TEX11: variants seen among roughly 807,000 people sequenced by gnomAD.
The protein encoded by TEX11 is testis-expressed protein 11.
A neutral mutation model predicts 84.4 loss-of-function variants in TEX11; 7 were observed. The observed-to-expected ratio is 0.08, with a 90% CI of 0.05 to 0.16. The LOEUF (loss-of-function observed/expected upper bound fraction) is 0.16. Among genes scored for constraint, TEX11 ranks in the 10% least tolerant of loss-of-function variants. The pLI is 1.00. For missense variants in TEX11, 551 were observed against 660.5 expected (o/e 0.83, Z 1.82); for synonymous variants, 264 against 222.8 (o/e 1.18, Z -1.64).
chrX:70,523,018 C>T, the TEX11 span, among the ~76,000 whole-genome samples: 6 of 110,333 alleles, frequency 5.4e-5, no homozygotes, highest in Admixed American at 9.7e-5. Context: ...TAGTTTGCAT[C>T]AAAAAACAAA....
chrX:70,628,636 C>T (rs1204936951), intron 18 of TEX11, among the ~76,000 whole-genome samples: 1 of 112,181 alleles, frequency 8.9e-6, no homozygotes, highest in Non-Finnish European at 1.9e-5. Context: ...GAACATATTT[C>T]TAGCATCTAG....
downstream of TEX11, among the ~76,000 whole-genome samples, chrX:70,525,798 A>T (rs1460615981): frequency 1.8e-5 from 2 of 112,303 alleles, no homozygotes; most frequent in Non-Finnish European, 3.8e-5. Flanking sequence ...CTAGTTAGGG[A>T]AAGTTTTTCC....
At chrX:70,897,667 A>AAGGAAGGAAGGAAGGAAGGAAGGAAG (rs2091778231) in intron 2 of TEX11, 1 of 62,297 alleles carries the variant, frequency 1.6e-5, no homozygotes. Context: ...AAGGAAGGAA[A>AAGGAAGGAAGGAAGGAAGGAAGGAAG]ACAAAGAAAG....
intron 28 of TEX11, among the ~76,000 whole-genome samples, chrX:70,542,997 C>T (rs778939908): frequency 2.0e-4 from 22 of 110,743 alleles, no homozygotes; most frequent in Non-Finnish European, 3.4e-4. Context: ...CTGGCTAATA[C>T]GGTGAAACCC....
intron 13 of TEX11, among the ~76,000 whole-genome samples, chrX:70,690,066 TG>T (rs2090221487): frequency 9.0e-6 from 1 of 111,584 alleles, no homozygotes; most frequent in African/African-American, 3.3e-5. Context: ...AAATACTTGA[TG>T]GGTAGTCTCA....
intron 9 of TEX11, among the ~76,000 whole-genome samples, chrX:70,755,499 A>T (rs1167988299): frequency 8.9e-6 from 1 of 111,961 alleles, no homozygotes; most frequent in Non-Finnish European, 1.9e-5. Context: ...AAAAGAATAA[A>T]AAACAATGAA....
At chrX:70,894,482 T>C (rs5981026) in intron 2 of TEX11, among the ~76,000 whole-genome samples, 42,590 of 109,089 alleles carry the variant, frequency 0.39, 6,952 homozygotes, top group East Asian at 0.58. Context: ...AAAAATCAGC[T>C]AGGCGTGGTG....
At chrX:70,603,888 C>G (rs1268262488) in intron 24 of TEX11, among the ~76,000 whole-genome samples, 1 of 19,115 alleles carries the variant, frequency 5.2e-5, no homozygotes, top group African/African-American at 1.6e-4. Context: ...AAAAAGTGGG[C>G]GAAGGACATG....
At chrX:70,897,677 GAAAAA>G (rs1387003236) in intron 2 of TEX11, 15 of 51,782 alleles carry the variant, frequency 2.9e-4, no homozygotes, top group Non-Finnish European at 3.9e-4. Context: ...AACAAAGAAA[GAAAAA>G]GAAAGAAAGA....
intron 24 of TEX11, among the ~76,000 whole-genome samples, chrX:70,593,085 A>ACG (rs1569345425): frequency 9.7e-6 from 1 of 102,837 alleles, no homozygotes; most frequent in African/African-American, 4.1e-5. Context: ...ACACACACAC[A>ACG]CACACACACA....
intron 25 of TEX11, among the ~76,000 whole-genome samples, chrX:70,559,541 T>C (rs2088335580): frequency 8.9e-6 from 1 of 112,257 alleles, no homozygotes; most frequent in African/African-American, 3.2e-5. Context: ...TACACTTTGA[T>C]GGGTGAACTG....
At chrX:70,805,402 T>C (rs1457335115) in intron 9 of TEX11, among the ~76,000 whole-genome samples, 1 of 109,495 alleles carries the variant, frequency 9.1e-6, no homozygotes, top group African/African-American at 3.4e-5. Flanking sequence ...ATCCATTTTT[T>C]TTTCTTTTTT....
chrX:70,513,130 G>C, the TEX11 span, among the ~76,000 whole-genome samples: 1 of 108,239 alleles, frequency 9.2e-6, no homozygotes, highest in African/African-American at 3.4e-5. Context: ...AAGATGGGTG[G>C]ATCACCTGAG....
At chrX:70,747,331 G>A (rs1035678516) in intron 9 of TEX11, among the ~76,000 whole-genome samples, 1 of 111,697 alleles carries the variant, frequency 9.0e-6, no homozygotes, top group Non-Finnish European at 1.9e-5. Flanking sequence ...AAAAACAAGG[G>A]GAAAAATTCT....
intron 9 of TEX11, among the ~76,000 whole-genome samples, chrX:70,775,446 G>A (rs1308034366): frequency 9.1e-6 from 1 of 109,766 alleles, no homozygotes; most frequent in Admixed American, 9.7e-5. Flanking sequence ...ATTCTACAAG[G>A]GACTAATATC....
chrX:70,693,954 A>C (rs2090257842), intron 13 of TEX11, among the ~76,000 whole-genome samples: 1 of 112,223 alleles, frequency 8.9e-6, no homozygotes, highest in Non-Finnish European at 1.9e-5. Flanking sequence ...ATTGAAAGGA[A>C]GTTTTCCTGT....
At chrX:70,641,189 A>C (rs1156877176) in intron 17 of TEX11, among the ~76,000 whole-genome samples, 2 of 111,793 alleles carry the variant, frequency 1.8e-5, no homozygotes, top group African/African-American at 6.5e-5. Flanking sequence ...ACATAATGGT[A>C]AAGGGATCAA....
At chrX:70,870,358 G>A (rs2147866028) in intron 4 of TEX11, among the ~76,000 whole-genome samples, 1 of 110,521 alleles carries the variant, frequency 9.0e-6, no homozygotes, top group African/African-American at 3.3e-5. Context: ...TTTTATGAGA[G>A]GGAGTCTTGC....
the TEX11 span, among the ~76,000 whole-genome samples, chrX:70,520,690 A>T: frequency 8.9e-6 from 1 of 112,295 alleles, no homozygotes; most frequent in East Asian, 2.8e-4. Flanking sequence ...AGAGAGTTTA[A>T]GTCTGCAGAA....
Sources: allele counts gnomAD v4.1 joint callset (sites outside exome capture counted in the v4.1 genomes callset), GRCh38; gene constraint gnomAD v4.1.1; transcripts MANE v1.5; gene names NCBI Gene and HGNC (gene_info 2026-07-23, HGNC 2026-07-21).